Variants in RNF111 observed in about 807,000 individuals in gnomAD.
RNF111 encodes the protein ring finger protein 111.
A neutral mutation model predicts 95.1 loss-of-function variants in RNF111; 17 were observed. That is an observed-to-expected ratio of 0.18 (90% CI 0.12 to 0.27). The LOEUF is 0.27. RNF111 is among the 10% of genes least tolerant of loss of function. The pLI is 1.00. For missense variants in RNF111, 1,189 were observed against 1,210.4 expected, an observed-to-expected ratio of 0.98 and a Z score of 0.26; for synonymous variants, 440 against 414.8, an observed-to-expected ratio of 1.06 and a Z score of -0.74.
chr15:59,087,956 T>G (rs2078944485), intron 10 of RNF111, among the ~76,000 whole-genome samples: 1 of 152,172 alleles, frequency 6.6e-6, no homozygotes. Context: ...ACCTCTTAGA[T>G]TACGTACGGT....
intron 1 of RNF111, among the ~76,000 whole-genome samples, chr15:59,024,573 G>A (rs2040507856): frequency 6.6e-6 from 1 of 152,308 alleles, no homozygotes; most frequent in Non-Finnish European, 1.5e-5. Flanking sequence ...GCCAACATAG[G>A]ATTACATGTT....
Position 59,031,148 on chromosome 15 carries a change from T to C in RNF111, c.326T>C (p.Val109Ala), listed in dbSNP as rs746035390. Residue 109 changes from valine to alanine, a missense_variant, in exon 2 of 14, where the codon GTT (valine) becomes GCT (alanine). By Grantham distance (64) the Val-to-Ala change is moderately conservative. Coordinates refer to ENST00000348370, the MANE Select transcript of RNF111 (RefSeq NM_017610.8). Reference sequence around the variant, plus strand: ...GGCCCTTCGTATGTGCAGAATTGTGTTAAAGAAAACCAGGGAATATTAGGA... The same window carrying C: ...GGCCCTTCGTATGTGCAGAATTGTGCTAAAGAAAACCAGGGAATATTAGGA... The part of the protein sequence containing the change: ...QAGPSYVQNC[V>A]KENQGILGLR... 2.5e-6 allele frequency: 4 copies of C among 1,614,110 alleles called. No homozygotes were observed. The South Asian group carries it at 3.3e-5, about 13-fold the overall frequency.
chr15:59,071,948 C>T (rs2042947453), intron 6 of RNF111, among the ~76,000 whole-genome samples: 1 of 152,138 alleles, frequency 6.6e-6, no homozygotes, highest in Non-Finnish European at 1.5e-5. Context: ...TTACACTGTA[C>T]TAAGTCCACT....
rs370720786 is a variant in RNF111, at chr15:59,059,661, T to G, written c.1366+1111T>G. Among the ~76,000 whole-genome samples the G allele has an allele frequency of 7.2e-5, 11 of 152,072 alleles. No individual in the cohort carries two copies. In the East Asian group the frequency reaches 9.6e-4, roughly 13 times the overall value. The stretch of plus-strand genomic sequence containing the variant: ...GGTCACAAAAATTTATTCTGGAGCT[T>G]TCTTTAGTTTTAGCTCTTATCTCAA... On this transcript the variant is annotated intron_variant, in intron 5 of 13. Transcript: ENST00000348370.
intron 1 of RNF111, among the ~76,000 whole-genome samples, chr15:59,015,008 G>A (rs552776157): frequency 6.6e-6 from 1 of 152,232 alleles, no homozygotes; most frequent in African/African-American, 2.4e-5. Context: ...CTTGGCCTCC[G>A]TAAGTGCTGG....
rs2078826778 is a variant in RNF111, at chr15:59,084,051, A to G, written c.2298-78A>G. ...GATGTTTATAGTATTAATACTAGGGATTTTTTTCTACATTAAGAAAAGAAA... is the reference window on the plus strand; with the variant it reads ...GATGTTTATAGTATTAATACTAGGGGTTTTTTTCTACATTAAGAAAAGAAA... On this transcript the variant is annotated intron_variant, in intron 8 of 13. Transcript: ENST00000348370. 5 of 1,368,014 alleles carry G rather than the reference A, an allele frequency of 3.7e-6. No individual in the cohort carries two copies. In the Admixed American group the frequency reaches 1.3e-4, roughly 37 times the overall value. The allele number at this position is 1,368,014 out of a possible 1,614,324, so 84.7% of individuals were successfully genotyped here. A position where few individuals can be genotyped will look rare whatever the true frequency, so the allele number is the denominator to read the frequency against.
At chr15:59,061,728 C>T (rs2042446302) in intron 5 of RNF111, among the ~76,000 whole-genome samples, 1 of 152,086 alleles carries the variant, frequency 6.6e-6, no homozygotes, top group African/African-American at 2.4e-5. Flanking sequence ...TGTTATCTTC[C>T]TTGTGTCTTC....
chr15:59,036,188 G>C (rs909571133), intron 2 of RNF111, among the ~76,000 whole-genome samples: 1 of 152,090 alleles, frequency 6.6e-6, no homozygotes, highest in South Asian at 2.1e-4. Context: ...TGCCTGAGTA[G>C]CTGGGATGAC....
intron 5 of RNF111, among the ~76,000 whole-genome samples, chr15:59,064,313 A>G (rs546362864): frequency 6.6e-6 from 1 of 152,228 alleles, no homozygotes. Flanking sequence ...AGGTGGGTGG[A>G]TCACGAGGTC....
intron 12 of RNF111, among the ~76,000 whole-genome samples, chr15:59,092,139 C>T (rs1325042817): frequency 6.6e-6 from 1 of 152,152 alleles, no homozygotes; most frequent in African/African-American, 2.4e-5. Flanking sequence ...AAGTTTTCAA[C>T]TGTCCAAGTT....
At chr15:59,087,097 A>C (rs553156499) in intron 10 of RNF111, among the ~76,000 whole-genome samples, 1 of 152,318 alleles carries the variant, frequency 6.6e-6, no homozygotes, top group South Asian at 2.1e-4. Context: ...ATGAAAGTTG[A>C]ATGTCCAATA....
chr15:59,030,164 G>T (rs2040834297), intron 1 of RNF111, among the ~76,000 whole-genome samples: 1 of 151,490 alleles, frequency 6.6e-6, no homozygotes, highest in East Asian at 1.9e-4. Flanking sequence ...ATGATCTTCA[G>T]CAGCCCACAG....
chr15:59,028,166 C>G (rs1274458690), intron 1 of RNF111, among the ~76,000 whole-genome samples: 2 of 152,138 alleles, frequency 1.3e-5, no homozygotes, highest in Non-Finnish European at 2.9e-5. Flanking sequence ...CCGATGATCC[C>G]CAGCCCTAGG....
At chr15:58,992,814 T>C (rs2038877788) in intron 1 of RNF111, among the ~76,000 whole-genome samples, 1 of 151,532 alleles carries the variant, frequency 6.6e-6, no homozygotes, top group African/African-American at 2.4e-5. Context: ...AGCCAGACCC[T>C]ATCTCAAAAT....
At chr15:59,086,333 G>A (rs1566944292) in intron 10 of RNF111, among the ~76,000 whole-genome samples, 1 of 152,062 alleles carries the variant, frequency 6.6e-6, no homozygotes. Context: ...TGGCCAGGCT[G>A]GTCTCAAACT....
At chr15:59,053,394 A>G (rs1434206852) in intron 3 of RNF111, among the ~76,000 whole-genome samples, 1 of 152,200 alleles carries the variant, frequency 6.6e-6, no homozygotes, top group Non-Finnish European at 1.5e-5. Context: ...CTAACGGATG[A>G]ATCTTAATTT....
intron 6 of RNF111, among the ~76,000 whole-genome samples, chr15:59,072,881 A>T (rs1235810716): frequency 1.4e-5 from 1 of 71,470 alleles, no homozygotes; most frequent in African/African-American, 5.7e-5. Context: ...TTTTTTTATT[A>T]AAAAAAAAAA....
chr15:59,012,928 G>A (rs781558992), intron 1 of RNF111, among the ~76,000 whole-genome samples: 5 of 151,878 alleles, frequency 3.3e-5, no homozygotes, highest in Non-Finnish European at 2.9e-5. Flanking sequence ...TAGTTGAGAC[G>A]GGGTTTCGCC....
In RNF111 at chr15:59,071,298, C is replaced by T. The variant is rs796568671; in HGVS notation, c.1686+4215C>T. ...TGGGCAACAGAGCGAGACTCCATCT[C>T]AAAAAAAAAAAAAAAAAAAGAATAC... On this transcript the variant is annotated intron_variant, in intron 6 of 13. Coordinates refer to ENST00000348370, the MANE Select transcript of RNF111 (RefSeq NM_017610.8). Among the ~76,000 whole-genome samples the T allele has an allele frequency of 5.9e-3, 561 of 95,042 alleles. 5 individuals carry two copies. The Middle Eastern group carries it at 0.067, about 11-fold the overall frequency. The allele number at this position is 95,042 out of a possible 152,430, so 62.4% of individuals were successfully genotyped here.
Sources: gnomAD v4.1 joint callset for allele counts (sites outside exome capture counted in the v4.1 genomes callset) on GRCh38, gnomAD v4.1.1 for gene constraint, MANE v1.5 for transcripts, NCBI Gene and HGNC (gene_info 2026-07-23, HGNC 2026-07-21) for gene names.